The following ADCY2 variants were observed in gnomAD, a reference collection of about 807,000 sequenced individuals.
ADCY2 encodes adenylate cyclase 2.
ADCY2 carries 31 observed loss-of-function variants against 125.2 expected under a neutral mutation model. The ratio of observed to expected loss-of-function variants is 0.25; its 90% CI spans 0.19 to 0.33. ADCY2 has a LOEUF of 0.33. Among genes scored for constraint, ADCY2 ranks in the 10% least tolerant of loss-of-function variants. The pLI is 1.00. For synonymous variants in ADCY2, 512 were observed against 548.4 expected, an observed-to-expected ratio of 0.93 and a Z score of 0.93; for missense variants, 904 against 1,418.2, an observed-to-expected ratio of 0.64 and a Z score of 5.82.
intron 19 of ADCY2, among the ~76,000 whole-genome samples, chr5:7,785,604 C>A (rs375525490): frequency 5.9e-5 from 9 of 152,064 alleles, no homozygotes; most frequent in African/African-American, 2.2e-4. Flanking sequence ...CACGACTGGC[C>A]GTCTTTCTGC....
intron 14 of ADCY2, among the ~76,000 whole-genome samples, chr5:7,731,776 T>C (rs1346032434): frequency 6.6e-6 from 1 of 151,752 alleles, no homozygotes; most frequent in Non-Finnish European, 1.5e-5. Flanking sequence ...CTAATTTTTG[T>C]ATTTTTAGTA....
At chr5:7,555,733 A>C (rs1735488294) in intron 3 of ADCY2, among the ~76,000 whole-genome samples, 1 of 152,060 alleles carries the variant, frequency 6.6e-6, no homozygotes, top group Non-Finnish European at 1.5e-5. Flanking sequence ...CACCATTTGC[A>C]TGTATCTTTT....
At chr5:7,698,724 T>A (rs1740976205) in intron 7 of ADCY2, among the ~76,000 whole-genome samples, 3 of 152,252 alleles carry the variant, frequency 2.0e-5, no homozygotes. Flanking sequence ...AACTCATCGT[T>A]TTTTATGGCT....
At chr5:7,424,541 G>A (rs1300188482) in intron 2 of ADCY2, among the ~76,000 whole-genome samples, 1 of 152,250 alleles carries the variant, frequency 6.6e-6, no homozygotes, top group Non-Finnish European at 1.5e-5. Context: ...TGATGTGAAA[G>A]GGACATATTT....
chr5:7,435,591 G>T (rs981435275), intron 2 of ADCY2, among the ~76,000 whole-genome samples: 5 of 152,170 alleles, frequency 3.3e-5, no homozygotes, highest in African/African-American at 9.7e-5. Context: ...AATTCAAAAC[G>T]ATTTCTTATA....
chr5:7,533,364 T>C (rs557109816), intron 3 of ADCY2, among the ~76,000 whole-genome samples: 8 of 152,206 alleles, frequency 5.3e-5, no homozygotes, highest in Non-Finnish European at 1.0e-4. Context: ...GATTTGCTCT[T>C]TCTCCATTGA....
In ADCY2 at chr5:7,666,938, C is replaced by T. The variant is rs1226364497; in HGVS notation, c.721-23753C>T. Among the ~76,000 whole-genome samples, 4 of 152,180 alleles carry T rather than the reference C, an allele frequency of 2.6e-5. No individual in the cohort carries two copies. In the East Asian group the frequency reaches 5.8e-4, roughly 22 times the overall value. ...TAATTACTAGTCTCAGCTTCATGCC[C>T]CAGTTCCTCTGCATAGACTAAGGAC... On this transcript the variant is annotated intron_variant, in intron 4 of 24. Transcript: ENST00000338316.
intron 11 of ADCY2, among the ~76,000 whole-genome samples, chr5:7,715,773 C>T (rs966046617): frequency 1.3e-5 from 2 of 152,138 alleles, no homozygotes; most frequent in Non-Finnish European, 2.9e-5. Context: ...AATTGGAAAA[C>T]TCATCCATCT....
chr5:7,476,366 C>T (rs1007877033), intron 2 of ADCY2, among the ~76,000 whole-genome samples: 1 of 152,168 alleles, frequency 6.6e-6, no homozygotes, highest in Middle Eastern at 3.4e-3. Context: ...TGTGGGAGGA[C>T]ATGGAGCAGC....
At chr5:7,627,391 A>G (rs1018068170) in intron 4 of ADCY2, among the ~76,000 whole-genome samples, 3 of 152,188 alleles carry the variant, frequency 2.0e-5, no homozygotes, top group Non-Finnish European at 2.9e-5. Context: ...ATGGAGAAGA[A>G]GCCATAGAGG....
chr5:7,693,689 C>G (rs2126316301), intron 5 of ADCY2, among the ~76,000 whole-genome samples: 1 of 152,266 alleles, frequency 6.6e-6, no homozygotes, highest in South Asian at 2.1e-4. Context: ...TCCCAAAGTG[C>G]TGGGATTACA....
chr5:7,645,936 G>A (rs556187840), intron 4 of ADCY2, among the ~76,000 whole-genome samples: 1 of 152,150 alleles, frequency 6.6e-6, no homozygotes, highest in Non-Finnish European at 1.5e-5. Context: ...AAATACTTAA[G>A]TATGTTGCAC....
At chr5:7,818,791 G>A (rs1188124167) in intron 23 of ADCY2, among the ~76,000 whole-genome samples, 5 of 152,038 alleles carry the variant, frequency 3.3e-5, no homozygotes, top group East Asian at 1.9e-4. Flanking sequence ...ACTCTACACT[G>A]TTTTGACAGC....
chr5:7,500,016 T>C (rs1359190004), intron 2 of ADCY2, among the ~76,000 whole-genome samples: 2 of 152,188 alleles, frequency 1.3e-5, no homozygotes, highest in Non-Finnish European at 1.5e-5. Flanking sequence ...AAAGAAGAAC[T>C]CTCAGTTGTC....
chr5:7,480,077 A>AGT (rs1742672573), intron 2 of ADCY2, among the ~76,000 whole-genome samples: 1 of 152,170 alleles, frequency 6.6e-6, no homozygotes, highest in South Asian at 2.1e-4. Flanking sequence ...CATCTCACAT[A>AGT]AGTCAGGATG....
chr5:7,425,226 A>G (rs1740345060), intron 2 of ADCY2, among the ~76,000 whole-genome samples: 1 of 152,218 alleles, frequency 6.6e-6, no homozygotes, highest in Non-Finnish European at 1.5e-5. Context: ...AAAGAGCTGG[A>G]CTTTTACAAG....
At chr5:7,700,647 A>C (rs1741047210) in intron 7 of ADCY2, among the ~76,000 whole-genome samples, 1 of 151,654 alleles carries the variant, frequency 6.6e-6, no homozygotes, top group Non-Finnish European at 1.5e-5. Context: ...AGCGACTAAA[A>C]TATTAACAGG....
chr5:7,695,053 G>C (rs1337883651), intron 5 of ADCY2, among the ~76,000 whole-genome samples: 2 of 152,190 alleles, frequency 1.3e-5, no homozygotes, highest in African/African-American at 4.8e-5. Flanking sequence ...AGAAATTTAG[G>C]CTTCTTCATA....
At chr5:7,814,754 A>G (rs112517731) in intron 22 of ADCY2, among the ~76,000 whole-genome samples, 1 of 151,900 alleles carries the variant, frequency 6.6e-6, no homozygotes, top group Non-Finnish European at 1.5e-5. Flanking sequence ...CTTTCTCTTC[A>G]CTTTCCGTAA....
Sources: allele counts gnomAD v4.1 joint callset (sites outside exome capture counted in the v4.1 genomes callset), GRCh38; gene constraint gnomAD v4.1.1; transcripts MANE v1.5; gene names NCBI Gene and HGNC (gene_info 2026-07-23, HGNC 2026-07-21).